Variants in HHAT observed in about 807,000 individuals in gnomAD.
HHAT encodes protein-cysteine N-palmitoyltransferase HHAT.
HHAT carries 47 observed loss-of-function variants against 70.8 expected under a neutral mutation model. That is an observed-to-expected ratio of 0.66 (90% CI 0.53 to 0.85). HHAT has a LOEUF of 0.85. Ranked by LOEUF, HHAT falls within the 40% of genes least tolerant of loss-of-function variation. The pLI, the probability that HHAT is intolerant of heterozygous loss-of-function variation, is 0.00. For missense variants in HHAT, 609 were observed against 604.8 expected (o/e 1.01, Z -0.07); for synonymous variants, 228 against 247.6 (o/e 0.92, Z 0.74).
At chr1:210,476,204 G>T (rs1385503765) in intron 8 of HHAT, among the ~76,000 whole-genome samples, 1 of 152,204 alleles carries the variant, frequency 6.6e-6, no homozygotes, top group African/African-American at 2.4e-5. Context: ...GACAACATTT[G>T]TTTTGTGTTG....
At chr1:210,577,637 ATT>A (rs1192626068) in intron 9 of HHAT, among the ~76,000 whole-genome samples, 9 of 60,250 alleles carry the variant, frequency 1.5e-4, no homozygotes, top group African/African-American at 4.7e-4. Flanking sequence ...GGCCTGTAGG[ATT>A]TTTTTTTTTT....
chr1:210,567,720 A>T (rs773474989), intron 9 of HHAT, among the ~76,000 whole-genome samples: 3 of 152,034 alleles, frequency 2.0e-5, no homozygotes, highest in Non-Finnish European at 2.9e-5. Flanking sequence ...CTAGATGGAG[A>T]TGCTGTGGCC....
chr1:210,659,214 G>T (rs1314103512), intron 11 of HHAT, among the ~76,000 whole-genome samples: 1 of 152,124 alleles, frequency 6.6e-6, no homozygotes, highest in African/African-American at 2.4e-5. Flanking sequence ...GAAGAAAACA[G>T]AAGAATCAAA....
chr1:210,346,093 C>T (rs1391704201), intron 1 of HHAT, among the ~76,000 whole-genome samples: 1 of 151,114 alleles, frequency 6.6e-6, no homozygotes, highest in Non-Finnish European at 1.5e-5. Context: ...AAAGCAGCAC[C>T]AAAATGAAAA....
At chr1:210,436,092 G>T (rs1360471523) in intron 7 of HHAT, among the ~76,000 whole-genome samples, 1 of 151,822 alleles carries the variant, frequency 6.6e-6, no homozygotes, top group Non-Finnish European at 1.5e-5. Flanking sequence ...CATAGTTGCA[G>T]GTCTTGGATG....
intron 10 of HHAT, 151 bp downstream of exon 10, chr1:210,588,250 GA>G: frequency 3.2e-6 from 2 of 627,016 alleles, no homozygotes; most frequent in South Asian, 3.9e-5. Flanking sequence ...AAGACAGCTG[GA>G]AAAGAAGCTT....
chr1:210,418,060 A>G lies in HHAT; in HGVS notation c.685-94A>G, dbSNP rs894379949. 58 of 1,200,098 alleles carry G rather than the reference A, an allele frequency of 4.8e-5. No individual in the cohort carries two copies. The Admixed American group carries it at 9.7e-4, about 20-fold the overall frequency. The allele number at this position is 1,200,098 out of a possible 1,614,324, so 74.3% of individuals were successfully genotyped here. ...CAACCCTCTGTCAGCTGGCATAGCAATAATATTTGTGGGAAGTTTATGAAA... is the reference window on the plus strand; with the variant it reads ...CAACCCTCTGTCAGCTGGCATAGCAGTAATATTTGTGGGAAGTTTATGAAA... On this transcript the variant is annotated intron_variant, in intron 6 of 11. Transcript: ENST00000261458.
chr1:210,398,468 T>A (rs893153554), intron 4 of HHAT, among the ~76,000 whole-genome samples: 1 of 152,166 alleles, frequency 6.6e-6, no homozygotes, highest in Non-Finnish European at 1.5e-5. Context: ...TGCCCCAAGG[T>A]GGCTTTGGAG....
chr1:210,404,015 A>T (rs11119485), intron 5 of HHAT, among the ~76,000 whole-genome samples: 1 of 151,924 alleles, frequency 6.6e-6, no homozygotes, highest in African/African-American at 2.4e-5. Context: ...AACTGATAAC[A>T]AAAGAGGAAA....
At chr1:210,659,223 A>G (rs928143663) in intron 11 of HHAT, among the ~76,000 whole-genome samples, 3 of 152,230 alleles carry the variant, frequency 2.0e-5, no homozygotes, top group African/African-American at 4.8e-5. Flanking sequence ...AGAAGAATCA[A>G]ATAGATGCAA....
At position 210,375,844 on chromosome 1, in the gene HHAT, T is replaced by A. The variant is rs1211065779; in HGVS notation, c.160-11624T>A. On this transcript the variant is annotated intron_variant, in intron 3 of 11. Coordinates refer to ENST00000261458, the MANE Select transcript of HHAT (RefSeq NM_018194.6). ...TCAGATTGGGTGATTTTTATTGACC[T>A]ATCCTTAGGTTCAATAATTAAAAAA... 2.0e-5 allele frequency among the ~76,000 whole-genome samples: 3 copies of A among 146,524 alleles called. No individual in the cohort carries two copies. The East Asian group carries it at 6.0e-4, about 29-fold the overall frequency.
chr1:210,485,782 G>A, intron 8 of HHAT, among the ~76,000 whole-genome samples: 1 of 152,062 alleles, frequency 6.6e-6, no homozygotes, highest in East Asian at 1.9e-4. Context: ...CAGTATGGGG[G>A]AAACTGCCCT....
intron 11 of HHAT, among the ~76,000 whole-genome samples, chr1:210,658,938 G>A (rs1461590131): frequency 1.3e-5 from 2 of 152,208 alleles, no homozygotes; most frequent in African/African-American, 2.4e-5. Context: ...ATGTAAAGCA[G>A]TGTATAGAGG....
At chr1:210,502,113 G>A (rs1039492886) in intron 8 of HHAT, among the ~76,000 whole-genome samples, 7 of 151,416 alleles carry the variant, frequency 4.6e-5, no homozygotes, top group Non-Finnish European at 1.0e-4. Flanking sequence ...GGCCAGGCAC[G>A]GTGGCTCACG....
intron 10 of HHAT, chr1:210,588,462 CAG>C (rs1369762822): frequency 5.6e-6 from 1 of 177,280 alleles, no homozygotes; most frequent in African/African-American, 2.4e-5. Context: ...AATGCTATTA[CAG>C]AGAGATGATT....
At chr1:210,660,645 C>A (rs555251469) in intron 11 of HHAT, among the ~76,000 whole-genome samples, 2 of 152,138 alleles carry the variant, frequency 1.3e-5, no homozygotes, top group African/African-American at 2.4e-5. Context: ...GGAGGCATCA[C>A]GCTACCTGAC....
intron 9 of HHAT, among the ~76,000 whole-genome samples, chr1:210,561,403 A>G (rs2095621708): frequency 1.3e-5 from 2 of 152,240 alleles, no homozygotes; most frequent in East Asian, 3.8e-4. Context: ...AAAGAGAGTT[A>G]GCACGGCATG....
chr1:210,416,702 C>A (rs1248800121), intron 6 of HHAT, among the ~76,000 whole-genome samples: 1 of 152,100 alleles, frequency 6.6e-6, no homozygotes, highest in African/African-American at 2.4e-5. Flanking sequence ...TCAAAACATC[C>A]CTCTCTTGCC....
intron 11 of HHAT, among the ~76,000 whole-genome samples, chr1:210,627,312 G>A (rs1670001589): frequency 6.6e-6 from 1 of 152,192 alleles, no homozygotes; most frequent in Non-Finnish European, 1.5e-5. Context: ...TTCCCAGGGA[G>A]CCCTCTCCTG....
Sources: allele counts gnomAD v4.1 joint callset (sites outside exome capture counted in the v4.1 genomes callset), GRCh38; gene constraint gnomAD v4.1.1; transcripts MANE v1.5; gene names NCBI Gene and HGNC (gene_info 2026-07-23, HGNC 2026-07-21).